RGS21: variants seen among roughly 807,000 people sequenced by gnomAD.
The protein encoded by RGS21 is regulator of G protein signaling 21.
A neutral mutation model predicts 18.7 loss-of-function variants in RGS21; 19 were observed. The observed-to-expected ratio is 1.01, with a 90% CI of 0.71 to 1.49. The LOEUF (loss-of-function observed/expected upper bound fraction) is 1.49. Ranked by LOEUF, RGS21 falls within the 40% of genes most tolerant of loss-of-function variation. The pLI, the probability that RGS21 is intolerant of heterozygous loss-of-function variation, is 0.00. For synonymous variants in RGS21, 56 were observed against 57.8 expected (o/e 0.97, Z 0.14); for missense variants, 194 against 176.8 (o/e 1.10, Z -0.55).
chr1:192,357,702 C>T (rs1177999774), intron 4 of RGS21, among the ~76,000 whole-genome samples: 3 of 151,842 alleles, frequency 2.0e-5, no homozygotes, highest in Non-Finnish European at 1.5e-5. Context: ...ATGACATAGC[C>T]TGGGATACTT....
At chr1:192,363,532 C>A (rs1057010460) in intron 4 of RGS21, among the ~76,000 whole-genome samples, 1 of 152,076 alleles carries the variant, frequency 6.6e-6, no homozygotes, top group African/African-American at 2.4e-5. Flanking sequence ...TGTTTAAAAA[C>A]CACTACAAAT....
At position 192,366,159 on chromosome 1, in the gene RGS21, G is replaced by A; in HGVS notation, c.*35G>A. 1 of 1,194,450 alleles carries A rather than the reference G, an allele frequency of 8.4e-7. No homozygotes were observed. Among genetic ancestry groups the A allele is most frequent in the South Asian group, 1.3e-5 (1 of 78,518 alleles). 74.0% of individuals were successfully genotyped at this position (1,194,450 alleles called of 1,614,324 possible). On this transcript the variant is annotated 3_prime_UTR_variant, in exon 5 of 5. Transcript: ENST00000417209. ...AAGTTAACTAATCACTATACTTCAG[G>A]GCTACAATATTTTAAATATACAAGC... is the stretch of plus-strand genomic sequence containing the variant.
In RGS21 at chr1:192,366,137, T is replaced by TTGAC; in HGVS notation, c.*14_*15insGACT. On this transcript the variant is annotated 3_prime_UTR_variant, in exon 5 of 5. Coordinates refer to ENST00000417209, the MANE Select transcript of RGS21 (RefSeq NM_001039152.3). Reference sequence around the variant, plus strand: ...CCCTTTTTTGTGAGGAAGGTAAAAGTTAACTAATCACTATACTTCAGGGCT... The same window carrying TTGAC: ...CCCTTTTTTGTGAGGAAGGTAAAAGTTGACTAACTAATCACTATACTTCAGGGCT... 1 of 1,314,920 alleles carries TTGAC rather than the reference T, an allele frequency of 7.6e-7. No individual in the cohort carries two copies. The highest frequency in any genetic ancestry group is 1.9e-5 in the African/African-American group (1 of 51,442). 81.5% of individuals were successfully genotyped at this position (1,314,920 alleles called of 1,614,324 possible). A position where few individuals can be genotyped will look rare whatever the true frequency, so the allele number is the denominator to read the frequency against.
At chr1:192,352,876 C>T (rs757951310) in intron 4 of RGS21, among the ~76,000 whole-genome samples, 77 of 151,994 alleles carry the variant, frequency 5.1e-4, no homozygotes, top group Admixed American at 2.4e-3. Context: ...GAGCCAAAAC[C>T]ATAATCATCT....
At chr1:192,350,781 G>A (rs539544925) in intron 3 of RGS21, among the ~76,000 whole-genome samples, 15 of 152,284 alleles carry the variant, frequency 9.9e-5, no homozygotes, top group Middle Eastern at 3.4e-3. Flanking sequence ...CTGACCTGTT[G>A]TCTAACTAGA....
intron 2 of RGS21, 64 bp downstream of exon 2, chr1:192,343,111 T>G: frequency 3.5e-6 from 5 of 1,429,456 alleles, no homozygotes; most frequent in Non-Finnish European, 4.9e-6. Context: ...TTGAGTCTTC[T>G]TTTAGTCTCG....
chr1:192,366,197 CTTTTG>C lies in RGS21; in HGVS notation c.*83_*87del, dbSNP rs559135970. 107 of 900,482 alleles carry C rather than the reference CTTTTG, an allele frequency of 1.2e-4. No individual in the cohort carries two copies. Among genetic ancestry groups the C allele is most frequent in the South Asian group, 2.0e-4 (13 of 66,648 alleles). 55.8% of individuals were successfully genotyped at this position (900,482 alleles called of 1,614,324 possible). The stretch of plus-strand genomic sequence containing the variant: ...TAAATATACAAGCATGATGCATTGT[CTTTTG>C]TTTTGTTTTTAGGATTTAGAAAACA... On this transcript the variant is annotated 3_prime_UTR_variant, in exon 5 of 5. Coordinates refer to ENST00000417209, the MANE Select transcript of RGS21 (RefSeq NM_001039152.3).
At chr1:192,329,553 C>T (rs759812699) in intron 1 of RGS21, among the ~76,000 whole-genome samples, 13 of 152,000 alleles carry the variant, frequency 8.6e-5, no homozygotes, top group African/African-American at 2.2e-4. Flanking sequence ...AAACATATAA[C>T]GACCTATTAC....
At chr1:192,324,120 T>C (rs771522777) in intron 1 of RGS21, among the ~76,000 whole-genome samples, 6 of 151,806 alleles carry the variant, frequency 4.0e-5, no homozygotes, top group Non-Finnish European at 8.8e-5. Context: ...CACAGACACA[T>C]GTTTATTTCT....
intron 4 of RGS21, among the ~76,000 whole-genome samples, chr1:192,356,694 G>C (rs1333412207): frequency 6.6e-6 from 1 of 151,712 alleles, no homozygotes; most frequent in Non-Finnish European, 1.5e-5. Flanking sequence ...TAGGCATCTA[G>C]AAGCATTTTA....
chr1:192,366,298 T>C lies in RGS21; in HGVS notation c.*174T>C. 1.8e-6 allele frequency: 1 copy of C among 552,870 alleles called. No homozygotes were observed. Among genetic ancestry groups the C allele is most frequent in the Non-Finnish European group, 3.2e-6 (1 of 315,814 alleles). 34.2% of individuals were successfully genotyped at this position (552,870 alleles called of 1,614,324 possible). A position where few individuals can be genotyped will look rare whatever the true frequency, so the allele number is the denominator to read the frequency against. ...ATTTCTAACTCAGTTGTTTAGAATG[T>C]ATTTGCTTTACCAGCTATTTAATCT... On this transcript the variant is annotated 3_prime_UTR_variant, in exon 5 of 5. Transcript: ENST00000417209.
chr1:192,358,137 T>G (rs1490804905), intron 4 of RGS21, among the ~76,000 whole-genome samples: 1 of 152,022 alleles, frequency 6.6e-6, no homozygotes, highest in Non-Finnish European at 1.5e-5. Context: ...TGTCATCTCC[T>G]TTATCACCAC....
intron 3 of RGS21, among the ~76,000 whole-genome samples, chr1:192,349,549 A>G (rs1392994636): frequency 6.6e-6 from 1 of 152,156 alleles, no homozygotes; most frequent in East Asian, 1.9e-4. Flanking sequence ...TTCTATGGAG[A>G]GTGCCCTCAG....
chr1:192,335,133 ATTC>A, intron 1 of RGS21, among the ~76,000 whole-genome samples: 1 of 152,242 alleles, frequency 6.6e-6, no homozygotes, highest in Admixed American at 6.5e-5. Context: ...TGCTACTTTT[ATTC>A]TTTTGTTGCA....
intron 1 of RGS21, among the ~76,000 whole-genome samples, chr1:192,328,555 C>T (rs902137418): frequency 2.6e-5 from 4 of 151,996 alleles, no homozygotes; most frequent in Admixed American, 1.3e-4. Flanking sequence ...ATGGCAAAGA[C>T]TTTTATTTTT....
intron 1 of RGS21, among the ~76,000 whole-genome samples, chr1:192,340,293 C>T (rs1658839118): frequency 6.6e-6 from 1 of 152,028 alleles, no homozygotes; most frequent in Admixed American, 6.6e-5. Context: ...AATAAATAAG[C>T]ATATATAAAT....
intron 4 of RGS21, among the ~76,000 whole-genome samples, chr1:192,352,744 T>G (rs1456035567): frequency 6.6e-6 from 1 of 152,040 alleles, no homozygotes; most frequent in East Asian, 1.9e-4. Context: ...GACTCACCTG[T>G]GCTGCTTAAA....
At position 192,361,439 on chromosome 1, in the gene RGS21, C is replaced by A. The variant is rs184587415; in HGVS notation, c.256-4482C>A. ...AGACAGCTTAATTCCACTTCACGAA[C>A]TATTGAATCCATCTGTAGTGACAAA... On this transcript the variant is annotated intron_variant, in intron 4 of 4. Transcript: ENST00000417209. Among the ~76,000 whole-genome samples the A allele has an allele frequency of 2.7e-4, 41 of 152,280 alleles. No individual in the cohort carries two copies. In the East Asian group the frequency reaches 6.9e-3, roughly 26 times the overall value.
intron 2 of RGS21, among the ~76,000 whole-genome samples, chr1:192,343,927 C>G (rs1022562762): frequency 6.6e-6 from 1 of 152,016 alleles, no homozygotes; most frequent in Admixed American, 6.6e-5. Context: ...TCAACCAAGT[C>G]AGTAGAGTTT....
Sources: allele counts gnomAD v4.1 joint callset (sites outside exome capture counted in the v4.1 genomes callset), GRCh38; gene constraint gnomAD v4.1.1; transcripts MANE v1.5; gene names NCBI Gene and HGNC (gene_info 2026-07-23, HGNC 2026-07-21).